Variants in VIT observed in about 807,000 individuals in gnomAD.
The protein encoded by VIT is vitrin.
In VIT, 99 loss-of-function variants were observed where a neutral mutation model predicts 78.0. That is an observed-to-expected ratio of 1.27 (90% CI 1.08 to 1.50). The LOEUF is 1.50. VIT is among the 40% of genes most tolerant of loss of function. VIT has a pLI of 0.00. For missense variants in VIT, 1,126 were observed against 875.3 expected (o/e 1.29, Z -3.61); for synonymous variants, 374 against 334.3 (o/e 1.12, Z -1.29).
chr2:36,806,328 G>A (rs1239766756), intron 14 of VIT, among the ~76,000 whole-genome samples: 1 of 152,218 alleles, frequency 6.6e-6, no homozygotes, highest in Non-Finnish European at 1.5e-5. Flanking sequence ...TGTGTCTACA[G>A]CCAGCAGGGC....
intron 2 of VIT, among the ~76,000 whole-genome samples, chr2:36,727,952 G>C (rs1666954978): frequency 6.6e-6 from 1 of 152,092 alleles, no homozygotes; most frequent in African/African-American, 2.4e-5. Flanking sequence ...TTTTTGAGAT[G>C]AAGTCTCACT....
intron 1 of VIT, among the ~76,000 whole-genome samples, chr2:36,704,612 G>C (rs1178425896): frequency 1.3e-5 from 2 of 152,092 alleles, no homozygotes; most frequent in Non-Finnish European, 2.9e-5. Context: ...AAATGACTCT[G>C]TTTCTACTGG....
intron 4 of VIT, among the ~76,000 whole-genome samples, chr2:36,745,156 A>T (rs949139627): frequency 6.6e-6 from 1 of 151,950 alleles, no homozygotes; most frequent in South Asian, 2.1e-4. Context: ...TGAGTTTTCT[A>T]TTCTTTTCCG....
intron 3 of VIT, among the ~76,000 whole-genome samples, chr2:36,730,311 A>C (rs1051556050): frequency 6.6e-6 from 1 of 151,968 alleles, no homozygotes; most frequent in Non-Finnish European, 1.5e-5. Flanking sequence ...AGGGGGAAAA[A>C]AAAGAAAATC....
At chr2:36,752,505 G>A (rs1350465237) in intron 4 of VIT, among the ~76,000 whole-genome samples, 1 of 152,194 alleles carries the variant, frequency 6.6e-6, no homozygotes, top group Non-Finnish European at 1.5e-5. Context: ...GCAAGGAAGT[G>A]GAACTGGGTT....
At chr2:36,775,271 C>G (rs1471230330) in intron 9 of VIT, among the ~76,000 whole-genome samples, 1 of 152,178 alleles carries the variant, frequency 6.6e-6, no homozygotes, top group Non-Finnish European at 1.5e-5. Flanking sequence ...AAGAGAAAAT[C>G]TTTGTCAACG....
At chr2:36,727,575 A>C (rs1486710568) in intron 2 of VIT, among the ~76,000 whole-genome samples, 2 of 152,236 alleles carry the variant, frequency 1.3e-5, no homozygotes, top group African/African-American at 4.8e-5. Context: ...CAGCAAAACA[A>C]AGGACAAGTA....
chr2:36,805,308 GAAAAAAA>G (rs567911067), intron 13 of VIT, 123 bp from the exon 14 acceptor site: 2 of 585,214 alleles, frequency 3.4e-6, no homozygotes. Flanking sequence ...TGTCTCAAAG[GAAAAAAA>G]AAAAAAAAAA....
Position 36,805,592 on chromosome 2 carries a change from T to A in VIT, c.1317T>A (p.Ile439=). 6.2e-7 allele frequency: 1 copy of A among 1,614,118 alleles called. No individual in the cohort carries two copies. Among genetic ancestry groups the A allele is most frequent in the Non-Finnish European group, 8.5e-7 (1 of 1,180,022 alleles). ...TTGCGAGAGAGTCAGGAATCAACAT[T>A]TTCTTCATCACCATTGAAGGTGCTG... is the stretch of plus-strand genomic sequence containing the variant. ...SRLARESGIN[I]FFITIEGAAE... The change falls in exon 14 of 16, where the codon ATT becomes ATA. Residue 439 remains isoleucine, a synonymous_variant. Transcript: ENST00000379242.
At chr2:36,739,654 G>A (rs1667713241) in intron 3 of VIT, among the ~76,000 whole-genome samples, 1 of 152,206 alleles carries the variant, frequency 6.6e-6, no homozygotes, top group Non-Finnish European at 1.5e-5. Flanking sequence ...ACCCTTGGCA[G>A]ATACTGAGGT....
At chr2:36,772,536 AAAAAC>A (rs1240158037) in intron 7 of VIT, among the ~76,000 whole-genome samples, 2 of 152,102 alleles carry the variant, frequency 1.3e-5, no homozygotes, top group Non-Finnish European at 2.9e-5. Context: ...ACTCCATCTC[AAAAAC>A]AAAACAAAAC....
chr2:36,750,753 G>A (rs917697264), intron 4 of VIT, among the ~76,000 whole-genome samples: 13 of 151,728 alleles, frequency 8.6e-5, no homozygotes, highest in South Asian at 2.1e-4. Context: ...CCTGGGAGGC[G>A]GAGGTTGCGG....
intron 13 of VIT, among the ~76,000 whole-genome samples, chr2:36,802,111 T>C (rs1488257356): frequency 6.6e-6 from 1 of 152,252 alleles, no homozygotes; most frequent in East Asian, 1.9e-4. Flanking sequence ...CTAGGTCTTC[T>C]GTGATATCTG....
At chr2:36,704,084 C>T (rs145309627) in intron 1 of VIT, among the ~76,000 whole-genome samples, 5,820 of 152,032 alleles carry the variant, frequency 0.038, 160 homozygotes, top group Non-Finnish European at 0.056. Flanking sequence ...CGCCACCATG[C>T]CTGGCTAATT....
chr2:36,750,384 G>T (rs1668384359), intron 4 of VIT, among the ~76,000 whole-genome samples: 1 of 152,096 alleles, frequency 6.6e-6, no homozygotes, highest in South Asian at 2.1e-4. Context: ...CTGTCTTAAG[G>T]TTGCTTGTAT....
chr2:36,808,395 C>T (rs2148681277), intron 14 of VIT, 77 bp from the exon 15 acceptor site: 1 of 1,506,346 alleles, frequency 6.6e-7, no homozygotes, highest in Non-Finnish European at 8.9e-7. Context: ...TTCACCTGCC[C>T]CGGGGGATCA....
At chr2:36,711,243 T>C (rs1665779805) in intron 1 of VIT, among the ~76,000 whole-genome samples, 1 of 152,246 alleles carries the variant, frequency 6.6e-6, no homozygotes. Context: ...CTTAAATTAC[T>C]TTTCTCTTTC....
chr2:36,698,597 T>A (rs1664818468), intron 1 of VIT, among the ~76,000 whole-genome samples: 2 of 152,010 alleles, frequency 1.3e-5, no homozygotes, highest in South Asian at 4.2e-4. Context: ...GCCACAAGGG[T>A]CAATAGTGGT....
intron 14 of VIT, 83 bp from the exon 15 acceptor site, chr2:36,808,389 C>G: frequency 6.7e-7 from 1 of 1,488,982 alleles, no homozygotes; most frequent in Non-Finnish European, 9.0e-7. Flanking sequence ...TGCTTCTTCA[C>G]CTGCCCCGGG....
Sources: gnomAD v4.1 joint callset for allele counts (sites outside exome capture counted in the v4.1 genomes callset) on GRCh38, gnomAD v4.1.1 for gene constraint, MANE v1.5 for transcripts, NCBI Gene and HGNC (gene_info 2026-07-23, HGNC 2026-07-21) for gene names.